Variants in ZFPM2 observed in about 807,000 individuals in gnomAD.
ZFPM2 encodes zinc finger protein ZFPM2.
ZFPM2 carries 20 observed loss-of-function variants against 98.6 expected under a neutral mutation model. The ratio of observed to expected loss-of-function variants is 0.20; its 90% confidence interval spans 0.14 to 0.29. The LOEUF (loss-of-function observed/expected upper bound fraction) is 0.29, where lower values mean the gene tolerates loss of function less well. Among genes scored for constraint, ZFPM2 ranks in the 10% least tolerant of loss-of-function variants. ZFPM2 has a pLI of 1.00. For synonymous variants in ZFPM2, 518 were observed against 502.7 expected (o/e 1.03, Z -0.41); for missense variants, 1,310 against 1,388.6 (o/e 0.94, Z 0.90).
intron 3 of ZFPM2, among the ~76,000 whole-genome samples, chr8:105,521,823 C>T (rs1814067972): frequency 1.3e-5 from 2 of 152,144 alleles, no homozygotes; most frequent in East Asian, 1.9e-4. Context: ...GTGATCCGCC[C>T]ACCTCGGCCT....
At chr8:105,431,444 C>G (rs1369148594) in intron 2 of ZFPM2, among the ~76,000 whole-genome samples, 1 of 152,130 alleles carries the variant, frequency 6.6e-6, no homozygotes, top group African/African-American at 2.4e-5. Context: ...TATTGAACAC[C>G]TGCTATGTCA....
At chr8:105,787,329 T>C (rs1428369755) in intron 5 of ZFPM2, 2 of 152,260 alleles carry the variant, frequency 1.3e-5, no homozygotes, top group Non-Finnish European at 2.9e-5. Context: ...GTTTTACTTT[T>C]CTAGCATTTT....
chr8:105,761,344 A>G lies in ZFPM2; in HGVS notation c.533-27374A>G, dbSNP rs1812731339. Among the ~76,000 whole-genome samples, 5 of 152,160 alleles carry G rather than the reference A, an allele frequency of 3.3e-5. No homozygotes were observed. In the South Asian group the frequency reaches 1.0e-3, roughly 31 times the overall value. On this transcript the variant is annotated intron_variant, in intron 5 of 7. Transcript: ENST00000407775. ...CTTGACCACTGTGTGTTCTATGAAT[A>G]CAGGTTGAGTAACTAAATGAATTAA...
At chr8:105,741,511 C>T (rs563506126) in intron 5 of ZFPM2, among the ~76,000 whole-genome samples, 31 of 152,078 alleles carry the variant, frequency 2.0e-4, no homozygotes, top group Non-Finnish European at 3.7e-4. Context: ...CATCTAACAC[C>T]CAGGTGAGCG....
intron 1 of ZFPM2, among the ~76,000 whole-genome samples, chr8:105,413,859 A>G (rs1378969178): frequency 6.6e-6 from 1 of 151,964 alleles, no homozygotes; most frequent in Non-Finnish European, 1.5e-5. Context: ...AATGATCCAA[A>G]ATGGGATACA....
At chr8:105,663,380 G>T (rs191295108) in intron 5 of ZFPM2, among the ~76,000 whole-genome samples, 1 of 152,240 alleles carries the variant, frequency 6.6e-6, no homozygotes, top group East Asian at 1.9e-4. Flanking sequence ...ACACCACTTG[G>T]ATCATTTATA....
At chr8:105,598,386 G>T (rs1586489456) in intron 4 of ZFPM2, among the ~76,000 whole-genome samples, 2 of 152,156 alleles carry the variant, frequency 1.3e-5, no homozygotes, top group African/African-American at 4.8e-5. Context: ...TTTGATAAAG[G>T]GCTTTTTTCT....
intron 5 of ZFPM2, among the ~76,000 whole-genome samples, chr8:105,754,538 G>A (rs1812550140): frequency 6.6e-6 from 1 of 152,066 alleles, no homozygotes; most frequent in African/African-American, 2.4e-5. Context: ...GACGTCAGGA[G>A]CAAAGTCTTT....
At chr8:105,403,579 CTT>C (rs1027017148) in intron 1 of ZFPM2, among the ~76,000 whole-genome samples, 1 of 147,906 alleles carries the variant, frequency 6.8e-6, no homozygotes, top group Non-Finnish European at 1.5e-5. Flanking sequence ...AAAGTTGAGT[CTT>C]TTTTTTTTCA....
chr8:105,597,165 G>A (rs1303705682), intron 4 of ZFPM2, among the ~76,000 whole-genome samples: 2 of 151,892 alleles, frequency 1.3e-5, no homozygotes, highest in Non-Finnish European at 2.9e-5. Context: ...ATGAATGTTA[G>A]GGCCCTGTTA....
At chr8:105,705,993 A>G (rs557134441) in intron 5 of ZFPM2, among the ~76,000 whole-genome samples, 19 of 152,316 alleles carry the variant, frequency 1.2e-4, no homozygotes, top group Non-Finnish European at 2.4e-4. Context: ...CACATGCACC[A>G]TACGATTTAT....
At chr8:105,730,729 C>T (rs191063415) in intron 5 of ZFPM2, among the ~76,000 whole-genome samples, 1 of 150,844 alleles carries the variant, frequency 6.6e-6, no homozygotes, top group East Asian at 2.0e-4. Flanking sequence ...AAGAAAACAC[C>T]TCGTTCTGTC....
At chr8:105,366,670 TC>T (rs1189726739) in intron 1 of ZFPM2, among the ~76,000 whole-genome samples, 2 of 57,560 alleles carry the variant, frequency 3.5e-5, no homozygotes, top group South Asian at 7.9e-4. Context: ...CCCTCCCCCC[TC>T]CCCCCACCCC....
chr8:105,594,261 C>A (rs571156254), intron 4 of ZFPM2, among the ~76,000 whole-genome samples: 41 of 152,144 alleles, frequency 2.7e-4, no homozygotes, highest in African/African-American at 9.9e-4. Context: ...TGTTTGAGAA[C>A]CGTGTTGTCC....
At chr8:105,716,057 A>C (rs1436186444) in intron 5 of ZFPM2, among the ~76,000 whole-genome samples, 1 of 151,874 alleles carries the variant, frequency 6.6e-6, no homozygotes, top group African/African-American at 2.4e-5. Context: ...TGCTGGCAGG[A>C]AAAAAGAATT....
intron 4 of ZFPM2, among the ~76,000 whole-genome samples, chr8:105,586,722 T>C (rs968281175): frequency 6.6e-6 from 1 of 151,716 alleles, no homozygotes; most frequent in Non-Finnish European, 1.5e-5. Context: ...TGCCTGATGT[T>C]GGATCCTTTT....
intron 3 of ZFPM2, among the ~76,000 whole-genome samples, chr8:105,457,818 G>A (rs895170491): frequency 1.3e-5 from 2 of 152,138 alleles, no homozygotes; most frequent in African/African-American, 2.4e-5. Flanking sequence ...TGTCCTCCCT[G>A]TCACTCTCAT....
intron 5 of ZFPM2, among the ~76,000 whole-genome samples, chr8:105,641,290 A>C (rs1431749199): frequency 6.6e-6 from 1 of 152,094 alleles, no homozygotes; most frequent in East Asian, 1.9e-4. Context: ...GAAAATTATT[A>C]ATGATGGTGG....
chr8:105,658,337 C>G (rs1241713793), intron 5 of ZFPM2, among the ~76,000 whole-genome samples: 1 of 113,542 alleles, frequency 8.8e-6, no homozygotes, highest in Non-Finnish European at 1.9e-5. Flanking sequence ...GCCTGTAATC[C>G]CAGCACTTTG....
Sources: gnomAD v4.1 joint callset for allele counts (sites outside exome capture counted in the v4.1 genomes callset) on GRCh38, gnomAD v4.1.1 for gene constraint, MANE v1.5 for transcripts, NCBI Gene and HGNC (gene_info 2026-07-23, HGNC 2026-07-21) for gene names.